SOX5: variants seen among roughly 807,000 people sequenced by gnomAD.
SOX5 encodes the protein transcription factor SOX-5.
In SOX5, 9 loss-of-function variants were observed where a neutral mutation model predicts 92.0. The ratio of observed to expected loss-of-function variants is 0.10; its 90% confidence interval spans 0.06 to 0.17. SOX5 has a LOEUF of 0.17. SOX5 is among the 10% of genes least tolerant of loss of function. The probability of loss-of-function intolerance (pLI) is 1.00; values close to 1 mark genes in which losing one functional copy is unlikely to be tolerated. For missense variants in SOX5, 642 were observed against 944.5 expected (o/e 0.68, Z 4.20); for synonymous variants, 344 against 336.3 (o/e 1.02, Z -0.25).
At chr12:23,612,423 C>A (rs1370083706) in intron 8 of SOX5, among the ~76,000 whole-genome samples, 2 of 151,938 alleles carry the variant, frequency 1.3e-5, no homozygotes, top group Non-Finnish European at 2.9e-5. Context: ...GTGATAAAGT[C>A]CTCACTCAAA....
intron 4 of SOX5, among the ~76,000 whole-genome samples, chr12:24,208,159 C>T (rs147248797): frequency 6.6e-6 from 1 of 152,164 alleles, no homozygotes. Context: ...TCACGCCTGA[C>T]TTTCCTGAAC....
At chr12:23,710,343 A>T (rs2091917857) in intron 6 of SOX5, among the ~76,000 whole-genome samples, 1 of 151,990 alleles carries the variant, frequency 6.6e-6, no homozygotes, top group South Asian at 2.1e-4. Context: ...TGCACCCATT[A>T]ACTTGTCATT....
At chr12:23,748,860 G>A (rs1295081743) in intron 4 of SOX5, among the ~76,000 whole-genome samples, 1 of 151,856 alleles carries the variant, frequency 6.6e-6, no homozygotes, top group Non-Finnish European at 1.5e-5. Flanking sequence ...GCCTAATGAA[G>A]AACTACTACT....
intron 9 of SOX5, among the ~76,000 whole-genome samples, chr12:23,585,784 T>C (rs1252314228): frequency 6.6e-6 from 1 of 152,128 alleles, no homozygotes; most frequent in South Asian, 2.1e-4. Context: ...GAAGTTTGCA[T>C]AGGTAAATGC....
intron 1 of SOX5, among the ~76,000 whole-genome samples, chr12:24,412,828 C>T (rs1169551814): frequency 7.1e-6 from 1 of 141,428 alleles, no homozygotes; most frequent in African/African-American, 2.7e-5. Flanking sequence ...AATCTCGGCT[C>T]ACTGCGAGCT....
intron 2 of SOX5, among the ~76,000 whole-genome samples, chr12:23,856,508 A>T (rs1228526580): frequency 6.6e-6 from 1 of 152,120 alleles, no homozygotes; most frequent in Admixed American, 6.6e-5. Context: ...ACATATGATG[A>T]AATTAAAGTT....
At chr12:24,243,840 G>A (rs1218579272) in intron 3 of SOX5, among the ~76,000 whole-genome samples, 1 of 152,090 alleles carries the variant, frequency 6.6e-6, no homozygotes, top group Non-Finnish European at 1.5e-5. Flanking sequence ...CTAACTACAT[G>A]TGGAACTTCC....
Position 24,331,848 on chromosome 12 carries a change from C to CAAAA in SOX5, c.-174+36711_-174+36714dup, listed in dbSNP as rs10627494. On this transcript the variant is annotated intron_variant, in intron 2 of 4. Transcript: ENST00000446891. ...GCCTGGGAACAGAGCAAGACTGTCT[C>CAAAA]AAAAAAAAAAAAAAAAAAAAAAAAA... Among the ~76,000 whole-genome samples the CAAAA allele has an allele frequency of 3.8e-3, 121 of 31,636 alleles. 3 individuals are homozygous for CAAAA. Among genetic ancestry groups the CAAAA allele is most frequent in the Non-Finnish European group, 5.0e-3 (95 of 19,186 alleles). The allele number at this position is 31,636 out of a possible 152,430, so 20.8% of individuals were successfully genotyped here. A position where few individuals can be genotyped will look rare whatever the true frequency, so the allele number is the denominator to read the frequency against.
intron 3 of SOX5, among the ~76,000 whole-genome samples, chr12:24,228,879 T>G (rs1254089481): frequency 3.3e-5 from 5 of 152,204 alleles, no homozygotes; most frequent in Non-Finnish European, 7.3e-5. Context: ...ACCCCTGGCC[T>G]TCCTTCTCCA....
At chr12:24,118,578 TA>T (rs752881748) in intron 4 of SOX5, among the ~76,000 whole-genome samples, 59 of 150,668 alleles carry the variant, frequency 3.9e-4, no homozygotes, top group African/African-American at 9.2e-4. Context: ...CATACATCTT[TA>T]AAAAAAAAGC....
At chr12:23,583,013 T>C (rs1468046904) in intron 9 of SOX5, among the ~76,000 whole-genome samples, 1 of 152,092 alleles carries the variant, frequency 6.6e-6, no homozygotes, top group East Asian at 1.9e-4. Flanking sequence ...ATGCTGTAAA[T>C]TATACACGCA....
rs958157005 is a variant in SOX5 at position 24,547,292 on chromosome 12, C to T, written c.-251+15037G>A. Among the ~76,000 whole-genome samples, 5 of 150,922 alleles carry T rather than the reference C, an allele frequency of 3.3e-5. No individual in the cohort carries two copies. The East Asian group carries it at 5.9e-4, about 18-fold the overall frequency. On this transcript the variant is annotated intron_variant, in intron 1 of 4. Transcript: ENST00000446891. ...ATGCAAGCTCCGCTTCCCGGGTTCA[C>T]GCCATTCTCCTGCCTCAGCCTCCCG...
chr12:24,263,603 A>G (rs1942578860), intron 3 of SOX5, among the ~76,000 whole-genome samples: 1 of 151,836 alleles, frequency 6.6e-6, no homozygotes, highest in South Asian at 2.1e-4. Context: ...GAATATATTA[A>G]TAATCTTTGT....
intron 4 of SOX5, among the ~76,000 whole-genome samples, chr12:23,745,967 T>C (rs1239640036): frequency 6.6e-6 from 1 of 152,144 alleles, no homozygotes; most frequent in Non-Finnish European, 1.5e-5. Flanking sequence ...GTTTAATGAA[T>C]GACATAAAGA....
At chr12:24,233,934 T>C (rs573087533) in intron 3 of SOX5, among the ~76,000 whole-genome samples, 128 of 152,196 alleles carry the variant, frequency 8.4e-4, no homozygotes, top group Non-Finnish European at 1.6e-3. Flanking sequence ...CTCAAAATAA[T>C]AAACGAAAGG....
At chr12:24,266,287 C>T (rs954115483) in intron 3 of SOX5, among the ~76,000 whole-genome samples, 4 of 152,050 alleles carry the variant, frequency 2.6e-5, no homozygotes, top group Admixed American at 6.6e-5. Flanking sequence ...TAGCTATAAA[C>T]GTGCATATAT....
intron 6 of SOX5, among the ~76,000 whole-genome samples, chr12:23,683,361 A>C (rs1000499010): frequency 2.0e-5 from 3 of 151,882 alleles, no homozygotes; most frequent in African/African-American, 7.2e-5. Flanking sequence ...TTCAAAAAGA[A>C]AACTGGTGAA....
At chr12:23,944,466 A>G (rs1944213555) in intron 1 of SOX5, 1 of 152,206 alleles carries the variant, frequency 6.6e-6, no homozygotes, top group South Asian at 2.1e-4. Context: ...AGACAACACT[A>G]AAAGAAAGAA....
chr12:24,091,236 G>A (rs1042175608), intron 4 of SOX5, among the ~76,000 whole-genome samples: 2 of 152,088 alleles, frequency 1.3e-5, no homozygotes, highest in African/African-American at 4.8e-5. Context: ...AGCTGAACAC[G>A]CAATAAAGGG....
Sources: gnomAD v4.1 joint callset for allele counts (sites outside exome capture counted in the v4.1 genomes callset) on GRCh38, gnomAD v4.1.1 for gene constraint, MANE v1.5 for transcripts, NCBI Gene and HGNC (gene_info 2026-07-23, HGNC 2026-07-21) for gene names.